NBEA: variants seen among roughly 807,000 people sequenced by gnomAD.
The protein encoded by NBEA is neurobeachin, also known as lysosomal-trafficking regulator 2.
NBEA carries 44 observed loss-of-function variants against 343.4 expected under a neutral mutation model. That is an observed-to-expected ratio of 0.13 (90% CI 0.10 to 0.16). The LOEUF (loss-of-function observed/expected upper bound fraction) is 0.16. Ranked by LOEUF, NBEA falls within the 10% of genes least tolerant of loss-of-function variation. The pLI is 1.00. For synonymous variants in NBEA, 1,175 were observed against 1,238.7 expected (o/e 0.95, Z 1.08); for missense variants, 2,555 against 3,631.3 (o/e 0.70, Z 7.62).
intron 17 of NBEA, among the ~76,000 whole-genome samples, chr13:35,140,569 C>T (rs930835911): frequency 6.6e-6 from 1 of 152,082 alleles, no homozygotes; most frequent in African/African-American, 2.4e-5. Flanking sequence ...GCAAACACAG[C>T]TGCAGAACAG....
At chr13:35,516,868 C>G (rs2077503894) in intron 41 of NBEA, among the ~76,000 whole-genome samples, 2 of 152,162 alleles carry the variant, frequency 1.3e-5, no homozygotes, top group Admixed American at 6.5e-5. Context: ...ATCATTATCA[C>G]TGTTTTACAA....
chr13:35,434,337 T>C lies in NBEA; in HGVS notation c.6304+1944T>C, dbSNP rs188732288. Among the ~76,000 whole-genome samples, 314 of 152,328 alleles carry C rather than the reference T, an allele frequency of 2.1e-3. 4 individuals carry two copies. The highest frequency in any genetic ancestry group is 4.7e-4 in the Non-Finnish European group (32 of 68,026). ...GGTGTGATACTAAATATTCTTTATA[T>C]GTACTATATTTTAAAATACAGTATT... is the stretch of plus-strand genomic sequence containing the variant. On this transcript the variant is annotated intron_variant, in intron 39 of 58. Coordinates refer to ENST00000379939, the MANE Select transcript of NBEA (RefSeq NM_001385012.1).
intron 45 of NBEA, among the ~76,000 whole-genome samples, chr13:35,578,092 T>C (rs2080835331): frequency 6.6e-6 from 1 of 152,216 alleles, no homozygotes; most frequent in Admixed American, 6.5e-5. Context: ...TGTTAGCAGT[T>C]CAATGTCTTA....
At chr13:35,239,784 A>C (rs1281329626) in intron 34 of NBEA, among the ~76,000 whole-genome samples, 1 of 152,010 alleles carries the variant, frequency 6.6e-6, no homozygotes, top group Non-Finnish European at 1.5e-5. Flanking sequence ...CTTAGGGTCC[A>C]TATTTACTAT....
chr13:35,668,296 T>A, intron 57 of NBEA, 72 bp from the exon 58 acceptor site: 1 of 1,482,636 alleles, frequency 6.7e-7, no homozygotes, highest in Non-Finnish European at 9.1e-7. Context: ...TAGGAAAAAT[T>A]GAGAGAAATG....
chr13:35,608,953 C>A (rs1232597125), intron 48 of NBEA, among the ~76,000 whole-genome samples: 1 of 152,132 alleles, frequency 6.6e-6, no homozygotes, highest in Non-Finnish European at 1.5e-5. Flanking sequence ...TTCCAGTATG[C>A]CAGCTACCTC....
chr13:35,161,762 C>G lies in NBEA; in HGVS notation c.3874C>G (p.Arg1292Gly). 2 of 1,610,048 alleles carry G rather than the reference C, an allele frequency of 1.2e-6. No individual in the cohort carries two copies. Among genetic ancestry groups the G allele is most frequent in the Non-Finnish European group, 1.7e-6 (2 of 1,178,214 alleles). Residue 1292 changes from arginine to glycine, a missense_variant, in exon 23 of 59, where the codon CGG becomes GGG. This residue lies in a region of NBEA where 367 missense variants were observed against 377.5 expected (regional missense o/e 0.97). Transcript: ENST00000379939. Reference protein sequence around the residue: ...TTTTTQAVQGRSITQQDRDLR... With the variant: ...TTTTTQAVQGGSITQQDRDLR... ...TTTCCTTCTTTAGGCTGTGCAGGGTCGGTCTATCACCCAACAAGACCGAGA... is the reference window on the plus strand; with the variant it reads ...TTTCCTTCTTTAGGCTGTGCAGGGTGGGTCTATCACCCAACAAGACCGAGA...
At chr13:35,601,788 A>G (rs1267109908) in intron 47 of NBEA, among the ~76,000 whole-genome samples, 8 of 91,722 alleles carry the variant, frequency 8.7e-5, no homozygotes, top group Non-Finnish European at 1.2e-4. Flanking sequence ...AAAAAAAAGA[A>G]AAAAAAAAAG....
Position 35,401,585 on chromosome 13 carries a change from C to A in NBEA, c.6180-30684C>A, listed in dbSNP as rs147071524. ...TGTATTCTAAAACATTTGTTACACC[C>A]TCTGTTGCTCTATCTTAAGACATCT... On this transcript the variant is annotated intron_variant, in intron 38 of 58. Transcript: ENST00000379939. Among the ~76,000 whole-genome samples the A allele has an allele frequency of 2.2e-4, 33 of 152,064 alleles. No individual in the cohort carries two copies. In the East Asian group the frequency reaches 4.8e-3, roughly 22 times the overall value.
chr13:35,246,319 G>A (rs1050169361), intron 34 of NBEA, among the ~76,000 whole-genome samples: 2 of 152,044 alleles, frequency 1.3e-5, no homozygotes, highest in African/African-American at 4.8e-5. Flanking sequence ...GGATCTTTTG[G>A]TAGTAAGCTA....
At chr13:35,439,920 C>T (rs2045643781) in intron 39 of NBEA, among the ~76,000 whole-genome samples, 1 of 152,094 alleles carries the variant, frequency 6.6e-6, no homozygotes, top group Admixed American at 6.6e-5. Context: ...ACTCTTGTTG[C>T]CCAGGCTGGA....
chr13:35,354,799 T>C (rs1358725288), intron 38 of NBEA, among the ~76,000 whole-genome samples: 1 of 152,174 alleles, frequency 6.6e-6, no homozygotes, highest in Non-Finnish European at 1.5e-5. Flanking sequence ...TTAAAAATAC[T>C]ACTAATATGT....
chr13:35,670,805 G>A (rs184628536), intron 58 of NBEA, 96 bp from the exon 59 acceptor site: 1 of 786,984 alleles, frequency 1.3e-6, no homozygotes, highest in East Asian at 2.7e-5. Context: ...ATATTGTCTA[G>A]TGTAAAATGC....
At chr13:35,439,861 AT>A (rs1425874018) in intron 39 of NBEA, among the ~76,000 whole-genome samples, 2 of 151,888 alleles carry the variant, frequency 1.3e-5, no homozygotes, top group Non-Finnish European at 2.9e-5. Context: ...TTTTTATTTA[AT>A]TTATACTTGA....
In NBEA at chr13:35,118,294, G is replaced by A. The variant is rs752883955; in HGVS notation, c.2145+4G>A. 10 of 1,568,022 alleles carry A rather than the reference G, an allele frequency of 6.4e-6. No homozygotes were observed. Among genetic ancestry groups the A allele is most frequent in the Non-Finnish European group, 8.7e-6 (10 of 1,154,650 alleles). On this transcript the variant is annotated splice_donor_region_variant and intron_variant, in intron 15 of 58. Coordinates refer to ENST00000379939, the MANE Select transcript of NBEA (RefSeq NM_001385012.1). ...TTACCTACTTACGATGCATGAGGTA[G>A]GACATGTTATGGGCCTTTTATTTTA...
chr13:35,516,257 G>A (rs2152989607), intron 41 of NBEA, among the ~76,000 whole-genome samples: 1 of 152,300 alleles, frequency 6.6e-6, no homozygotes, highest in East Asian at 1.9e-4. Context: ...AAAGGATTAA[G>A]ATTCAGGAGT....
At chr13:35,624,111 C>T (rs916473515) in intron 48 of NBEA, among the ~76,000 whole-genome samples, 1 of 151,342 alleles carries the variant, frequency 6.6e-6, no homozygotes, top group Non-Finnish European at 1.5e-5. Flanking sequence ...TAGAGTTTAA[C>T]CCTTAAGATC....
At chr13:35,082,387 TG>T (rs2064460811) in intron 10 of NBEA, among the ~76,000 whole-genome samples, 1 of 152,210 alleles carries the variant, frequency 6.6e-6, no homozygotes, top group Non-Finnish European at 1.5e-5. Flanking sequence ...TATGTGTGCA[TG>T]TGTCTTTATA....
At chr13:35,574,380 C>CA (rs1313695369) in intron 45 of NBEA, among the ~76,000 whole-genome samples, 79 of 124,782 alleles carry the variant, frequency 6.3e-4, no homozygotes, top group African/African-American at 1.9e-3. Context: ...TATACACTAT[C>CA]AAAAAAAAAG....
Sources: gnomAD v4.1 joint callset for allele counts (sites outside exome capture counted in the v4.1 genomes callset) on GRCh38, gnomAD v4.1.1 for gene constraint, gnomAD v4.1.1 regional missense constraint, MANE v1.5 for transcripts, NCBI Gene and HGNC (gene_info 2026-07-23, HGNC 2026-07-21) for gene names.